Variants in IRS1 observed in about 807,000 individuals in gnomAD.
IRS1 encodes insulin receptor substrate 1.
IRS1 carries 34 observed loss-of-function variants against 65.6 expected under a neutral mutation model. The observed-to-expected ratio is 0.52, with a 90% confidence interval of 0.39 to 0.69. The LOEUF is 0.69. Among genes scored for constraint, IRS1 ranks in the 30% least tolerant of loss-of-function variants. The probability of loss-of-function intolerance (pLI) is 0.00; values close to 1 mark genes in which losing one functional copy is unlikely to be tolerated. For missense variants in IRS1, 1,641 were observed against 1,720.2 expected (o/e 0.95, Z 0.81); for synonymous variants, 699 against 683.5 (o/e 1.02, Z -0.35).
At chr2:226,751,198 A>C (rs59348026) in intron 1 of IRS1, among the ~76,000 whole-genome samples, 242 of 151,986 alleles carry the variant, frequency 1.6e-3, no homozygotes, top group African/African-American at 5.5e-3. Flanking sequence ...TGAACAATAC[A>C]GATTTGGATG....
In IRS1 at chr2:226,741,815, AC is replaced by A. The variant is rs1438843194; in HGVS notation, c.*22-5566del. Among the ~76,000 whole-genome samples the A allele has an allele frequency of 8.8e-3, 1,295 of 146,940 alleles. 26 individuals are homozygous for A. The highest frequency in any genetic ancestry group is 0.03 in the African/African-American group (1,216 of 40,706). On this transcript the variant is annotated intron_variant, in intron 1 of 1. Transcript: ENST00000305123. ...CACACACACACACACACACACACACACACACACACACATAACACACACACAC... is the reference window on the plus strand; with the variant it reads ...CACACACACACACACACACACACACAACACACACACATAACACACACACAC...
intron 1 of IRS1, among the ~76,000 whole-genome samples, chr2:226,772,629 A>T (rs1030668828): frequency 6.6e-6 from 1 of 151,898 alleles, no homozygotes; most frequent in Admixed American, 6.6e-5. Context: ...TTATCAAGAC[A>T]GGAAAAATGA....
intron 1 of IRS1, among the ~76,000 whole-genome samples, chr2:226,742,730 A>G (rs1938464460): frequency 6.6e-6 from 1 of 151,902 alleles, no homozygotes; most frequent in African/African-American, 2.4e-5. Flanking sequence ...AAAAAAAAGA[A>G]GACCGAAAGG....
chr2:226,756,753 A>G (rs761202736), intron 1 of IRS1, among the ~76,000 whole-genome samples: 1 of 152,032 alleles, frequency 6.6e-6, no homozygotes, highest in Non-Finnish European at 1.5e-5. Context: ...CACAAGGTCA[A>G]GATATAGAGA....
chr2:226,764,909 C>A (rs921573682), intron 1 of IRS1, among the ~76,000 whole-genome samples: 1 of 152,184 alleles, frequency 6.6e-6, no homozygotes, highest in Admixed American at 6.5e-5. Context: ...TATTTTTAAG[C>A]GGTGGTTATA....
At chr2:226,790,717 A>AAGG (rs9282768) in intron 1 of IRS1, among the ~76,000 whole-genome samples, 1 of 152,136 alleles carries the variant, frequency 6.6e-6, no homozygotes, top group Admixed American at 6.5e-5. Flanking sequence ...TTTGAGAGGG[A>AAGG]AGGAGGAGGA....
intron 1 of IRS1, among the ~76,000 whole-genome samples, chr2:226,751,284 T>TC (rs1938673352): frequency 1.4e-5 from 2 of 138,520 alleles, no homozygotes; most frequent in African/African-American, 5.5e-5. Context: ...ATTTTTTTTT[T>TC]TTTTTTTTTT....
chr2:226,787,722 T>C (rs1436732394), intron 1 of IRS1, among the ~76,000 whole-genome samples: 1 of 152,158 alleles, frequency 6.6e-6, no homozygotes, highest in African/African-American at 2.4e-5. Flanking sequence ...GATCTTCTGA[T>C]CTTCTGATTG....
At chr2:226,788,276 A>G (rs1574660349) in intron 1 of IRS1, among the ~76,000 whole-genome samples, 1 of 152,198 alleles carries the variant, frequency 6.6e-6, no homozygotes, top group African/African-American at 2.4e-5. Flanking sequence ...TTCCTGGTAG[A>G]GTAATAAAAC....
Position 226,797,134 on chromosome 2 carries a change from G to C in IRS1, c.1605C>G (p.Thr535=). 2 of 1,613,882 alleles carry C rather than the reference G, an allele frequency of 1.2e-6. No homozygotes were observed. The highest frequency in any genetic ancestry group is 1.7e-6 in the Non-Finnish European group (2 of 1,179,982). ...THSAGTSPTI[T]HQKTPSQSSV... Reference sequence around the variant, plus strand: ...AGGACTGGGACGGGGTCTTCTGGTGGGTAATGGTAGGGGATGTGCCTGCCG... The same window carrying C: ...AGGACTGGGACGGGGTCTTCTGGTGCGTAATGGTAGGGGATGTGCCTGCCG... Residue 535 remains threonine, a synonymous_variant, in exon 1 of 2, where the codon ACC becomes ACG. Transcript: ENST00000305123. The surrounding 1 kb of genome is among the most constrained non-coding windows in gnomAD (Gnocchi z 8.1).
intron 1 of IRS1, among the ~76,000 whole-genome samples, chr2:226,740,876 T>C (rs1938421855): frequency 6.6e-6 from 1 of 152,198 alleles, no homozygotes; most frequent in Non-Finnish European, 1.5e-5. Flanking sequence ...ATAGAGGTCA[T>C]TGTTTGAAAT....
At position 226,798,031 on chromosome 2, in the gene IRS1, G is replaced by A. The variant is rs754223938; in HGVS notation, c.708C>T (p.Phe236=). The change falls in exon 1 of 2, where the codon TTC becomes TTT. Residue 236 remains phenylalanine (F), a synonymous_variant. Transcript: ENST00000305123. This position sits in a 1 kb window ranked among gnomAD's most constrained non-coding sequence, Gnocchi z 9.4. Reference sequence around the variant, plus strand: ...CCACAGAGTCATCCACCTGCATCCAGAACTCCCCGGGCCCCGTCACGGCAG... The same window carrying A: ...CCACAGAGTCATCCACCTGCATCCAAAACTCCCCGGGCCCCGTCACGGCAG... ...GRSAVTGPGE[F]WMQVDDSVVA... is the part of the protein sequence containing the mutation. 2 of 1,614,110 alleles carry A rather than the reference G, an allele frequency of 1.2e-6. No individual in the cohort carries two copies. The highest frequency in any genetic ancestry group is 2.2e-5 in the South Asian group (2 of 91,076).
intron 1 of IRS1, among the ~76,000 whole-genome samples, chr2:226,766,134 TATATATATATATATATATATATATATATA>T (rs1253718624): frequency 5.5e-4 from 2 of 3,626 alleles, no homozygotes; most frequent in South Asian, 0.012. Context: ...TATATATATA[TATATATATATATATATATATATATATATA>T]TTTTTTTTTT....
chr2:226,797,242 G>A lies in IRS1; in HGVS notation c.1497C>T (p.Gly499=). 6.2e-7 allele frequency: 1 copy of A among 1,613,604 alleles called. No individual in the cohort carries two copies. Among genetic ancestry groups the A allele is most frequent in the Admixed American group, 1.7e-5 (1 of 60,024 alleles). The change falls in exon 1 of 2, where the codon GGC becomes GGT. Residue 499 remains glycine (G), a synonymous_variant. Transcript: ENST00000305123. This position sits in a 1 kb window ranked among gnomAD's most constrained non-coding sequence, Gnocchi z 8.1. The part of the protein sequence containing the change: ...GNGHRCTPGT[G]LGTSPALAGD... Reference sequence around the variant, plus strand: ...CAGCCAAGGCTGGACTCGTGCCCAAGCCTGTTCCTGGGGTGCAGCGGTGGC... The same window carrying A: ...CAGCCAAGGCTGGACTCGTGCCCAAACCTGTTCCTGGGGTGCAGCGGTGGC...
intron 1 of IRS1, among the ~76,000 whole-genome samples, chr2:226,753,202 A>G (rs1938718112): frequency 6.6e-6 from 1 of 152,234 alleles, no homozygotes; most frequent in African/African-American, 2.4e-5. Flanking sequence ...CAATTACATT[A>G]ATCATGAGAT....
intron 1 of IRS1, among the ~76,000 whole-genome samples, chr2:226,787,154 G>A (rs1939503411): frequency 6.6e-6 from 1 of 152,020 alleles, no homozygotes; most frequent in Non-Finnish European, 1.5e-5. Flanking sequence ...TCTTCTTCTG[G>A]TTGCTTTCAC....
In IRS1 at chr2:226,795,357, C is replaced by A. The variant is rs371306259; in HGVS notation, c.3382G>T (p.Gly1128Cys). The A allele has an allele frequency of 2.5e-6, 4 of 1,613,032 alleles. No homozygotes were observed. The highest frequency in any genetic ancestry group is 3.3e-5 in the Admixed American group (2 of 60,016). ...TCGCTGCTGCTGCTGCTACCGCCAC[C>A]GCCCCCTACTGCTGCCCCCGCTCCA... ...PFGAGAAVGG[G>C]GGSSSSSEDV... Residue 1128 changes from glycine to cysteine, a missense_variant, in exon 1 of 2, where the codon GGT becomes TGT. Transcript: ENST00000305123.
At chr2:226,781,413 G>A (rs1453057470) in intron 1 of IRS1, among the ~76,000 whole-genome samples, 2 of 152,216 alleles carry the variant, frequency 1.3e-5, no homozygotes, top group Admixed American at 6.5e-5. Context: ...GTTGGGGTAG[G>A]GAGGGAGCCG....
chr2:226,774,142 C>T (rs559467021), intron 1 of IRS1, among the ~76,000 whole-genome samples: 1 of 152,300 alleles, frequency 6.6e-6, no homozygotes, highest in South Asian at 2.1e-4. Flanking sequence ...ACTTCATTAA[C>T]TTGATTCCCC....
Sources: allele counts gnomAD v4.1 joint callset (sites outside exome capture counted in the v4.1 genomes callset), GRCh38; gene constraint gnomAD v4.1.1; non-coding constraint Gnocchi (gnomAD v3.1); transcripts MANE v1.5; gene names NCBI Gene and HGNC (gene_info 2026-07-23, HGNC 2026-07-21).